The following LRP1B variants were observed in gnomAD, a reference collection of about 807,000 sequenced individuals.
The protein encoded by LRP1B is low-density lipoprotein receptor-related protein 1B.
A neutral mutation model predicts 556.6 loss-of-function variants in LRP1B; 217 were observed. That is an observed-to-expected ratio of 0.39 (90% CI 0.35 to 0.44). LRP1B has a LOEUF of 0.44. LRP1B is among the 20% of genes least tolerant of loss of function. The probability of loss-of-function intolerance (pLI) is 1.00; values close to 1 mark genes in which losing one functional copy is unlikely to be tolerated. For missense variants in LRP1B, 5,053 were observed against 5,620.8 expected (o/e 0.90, Z 3.23); for synonymous variants, 2,047 against 1,865.8 (o/e 1.10, Z -2.50).
intron 23 of LRP1B, among the ~76,000 whole-genome samples, chr2:140,886,762 T>A (rs1310726778): frequency 6.6e-6 from 1 of 152,096 alleles, no homozygotes. Context: ...AGGAGAACTA[T>A]CCAACAACAA....
chr2:141,307,865 G>A (rs990606577), intron 3 of LRP1B, among the ~76,000 whole-genome samples: 30 of 152,236 alleles, frequency 2.0e-4, no homozygotes, highest in African/African-American at 6.7e-4. Context: ...AGGTTCTTAC[G>A]GTCTTGGACA....
intron 41 of LRP1B, among the ~76,000 whole-genome samples, chr2:140,681,353 CAA>C (rs562133016): frequency 2.6e-4 from 40 of 152,032 alleles, no homozygotes; most frequent in African/African-American, 8.4e-4. Context: ...CAGCTAAAGT[CAA>C]AAGAGTAATA....
intron 66 of LRP1B, among the ~76,000 whole-genome samples, chr2:140,436,333 T>G (rs1686179070): frequency 6.6e-6 from 1 of 152,184 alleles, no homozygotes; most frequent in African/African-American, 2.4e-5. Flanking sequence ...TAATAGCATA[T>G]GTACACATCA....
chr2:140,246,158 T>C (rs890281238), intron 87 of LRP1B, among the ~76,000 whole-genome samples: 2 of 151,288 alleles, frequency 1.3e-5, no homozygotes, highest in Non-Finnish European at 3.0e-5. Context: ...TTTTATACTT[T>C]AATAGTCTCT....
At chr2:141,190,062 CT>C (rs1292952986) in intron 6 of LRP1B, among the ~76,000 whole-genome samples, 1 of 152,006 alleles carries the variant, frequency 6.6e-6, no homozygotes, top group Non-Finnish European at 1.5e-5. Context: ...CACACCACGT[CT>C]TTTGCTGAGG....
At chr2:141,957,374 T>G (rs1183517208) in intron 1 of LRP1B, among the ~76,000 whole-genome samples, 4 of 48,832 alleles carry the variant, frequency 8.2e-5, no homozygotes, top group Admixed American at 3.6e-4. Context: ...TGGTTCGTGT[T>G]TGTGTGTGTG....
chr2:140,394,273 TACC>T (rs766371351), intron 66 of LRP1B, among the ~76,000 whole-genome samples: 49 of 152,206 alleles, frequency 3.2e-4, no homozygotes, highest in Admixed American at 1.3e-4. Flanking sequence ...CTACTTCCAC[TACC>T]ACAAGGGAGG....
chr2:141,075,384 A>G (rs937312269), intron 7 of LRP1B, among the ~76,000 whole-genome samples: 2 of 152,040 alleles, frequency 1.3e-5, no homozygotes, highest in African/African-American at 4.8e-5. Context: ...GTTCTTTCAT[A>G]TTTTTCCCAA....
intron 1 of LRP1B, among the ~76,000 whole-genome samples, chr2:141,934,749 G>A (rs1199206036): frequency 6.6e-6 from 1 of 152,114 alleles, no homozygotes; most frequent in Non-Finnish European, 1.5e-5. Flanking sequence ...TGCACTTCTT[G>A]CTGCTGCCAT....
At chr2:140,413,073 C>G (rs1685033320) in intron 66 of LRP1B, among the ~76,000 whole-genome samples, 1 of 151,592 alleles carries the variant, frequency 6.6e-6, no homozygotes, top group African/African-American at 2.4e-5. Flanking sequence ...TAAAAGACAC[C>G]CTAAATATAT....
At chr2:142,015,167 C>A (rs1462163483) in intron 1 of LRP1B, among the ~76,000 whole-genome samples, 1 of 152,070 alleles carries the variant, frequency 6.6e-6, no homozygotes. Context: ...TATACGAACT[C>A]AAGGAAAACA....
In LRP1B at chr2:140,851,758, A is replaced by T. The variant is rs771518484; in HGVS notation, c.4605T>A (p.Asp1535Glu). ...ACATGTGAGAGCAGGGGCCTTTGCC[A>T]TCATTAGCTGCACAAGGATTGGGAG... is the stretch of plus-strand genomic sequence containing the variant. ...PQAPNPCAAN[D>E]GKGPCSHMCL... Residue 1535 changes from aspartate (D) to glutamate (E), a missense_variant, in exon 28 of 91, where the codon GAT (aspartate) becomes GAA (glutamate). Physicochemically the swap from Asp to Glu is conservative, Grantham distance 45. Around this residue, in one of 5 missense-constraint regions of LRP1B, gnomAD observed 3,619 missense variants for 3,931.9 expected, o/e 0.92. Transcript: ENST00000389484. 1 of 1,606,040 alleles carries T rather than the reference A, an allele frequency of 6.2e-7. No homozygotes were observed. Among genetic ancestry groups the T allele is most frequent in the South Asian group, 1.1e-5 (1 of 89,476 alleles).
At chr2:142,052,110 A>G (rs1353186434) in intron 1 of LRP1B, among the ~76,000 whole-genome samples, 1 of 152,120 alleles carries the variant, frequency 6.6e-6, no homozygotes, top group Non-Finnish European at 1.5e-5. Context: ...AACAACTAAA[A>G]ATAGTCAAAA....
intron 3 of LRP1B, among the ~76,000 whole-genome samples, chr2:141,299,026 T>A (rs911248166): frequency 1.3e-4 from 19 of 151,806 alleles, no homozygotes; most frequent in African/African-American, 4.6e-4. Flanking sequence ...TGCAGTATGT[T>A]CTGTCAGTCC....
At chr2:141,516,564 T>C (rs1684318541) in intron 2 of LRP1B, among the ~76,000 whole-genome samples, 1 of 152,130 alleles carries the variant, frequency 6.6e-6, no homozygotes, top group Non-Finnish European at 1.5e-5. Context: ...CTAAACCTTG[T>C]TAAAAAATTT....
At chr2:140,650,830 G>C (rs1354085880) in intron 41 of LRP1B, among the ~76,000 whole-genome samples, 1 of 152,148 alleles carries the variant, frequency 6.6e-6, no homozygotes, top group Non-Finnish European at 1.5e-5. Context: ...CCAATAGTGA[G>C]AGAGATTTCC....
intron 1 of LRP1B, among the ~76,000 whole-genome samples, chr2:141,933,192 G>T (rs966609053): frequency 6.6e-6 from 1 of 151,660 alleles, no homozygotes; most frequent in African/African-American, 2.4e-5. Flanking sequence ...TTATTTCATT[G>T]TCTTATCAAC....
intron 2 of LRP1B, among the ~76,000 whole-genome samples, chr2:141,524,002 A>G (rs947925564): frequency 2.0e-5 from 3 of 152,158 alleles, no homozygotes; most frequent in African/African-American, 7.2e-5. Flanking sequence ...TTAAGTATCA[A>G]CTATATTTCT....
At chr2:141,892,393 G>A (rs914357908) in intron 1 of LRP1B, among the ~76,000 whole-genome samples, 8 of 151,744 alleles carry the variant, frequency 5.3e-5, no homozygotes, top group Non-Finnish European at 7.4e-5. Context: ...ACATTAAGTG[G>A]AAATTTTTTT....
Sources: allele counts gnomAD v4.1 joint callset (sites outside exome capture counted in the v4.1 genomes callset), GRCh38; gene constraint gnomAD v4.1.1; regional missense constraint gnomAD v4.1.1; transcripts MANE v1.5; gene names NCBI Gene and HGNC (gene_info 2026-07-23, HGNC 2026-07-21).